Variants in DNHD1 observed in about 807,000 individuals in gnomAD.
DNHD1 encodes dynein heavy chain domain-containing protein 1.
Under a neutral mutation model 458.1 loss-of-function variants are expected in DNHD1, and 383 were observed. The ratio of observed to expected loss-of-function variants is 0.84; its 90% CI spans 0.77 to 0.91. DNHD1 has a LOEUF of 0.91. Among genes scored for constraint, DNHD1 ranks in the 40% least tolerant of loss-of-function variants. The pLI is 0.00. For missense variants in DNHD1, 5,336 were observed against 5,866.1 expected (o/e 0.91, Z 2.95); for synonymous variants, 2,203 against 2,376.9 (o/e 0.93, Z 2.13).
Position 6,546,323 on chromosome 11 carries a change from T to G in DNHD1, c.5384T>G (p.Val1795Gly). 3.2e-6 allele frequency: 5 copies of G among 1,552,366 alleles called. No individual in the cohort carries two copies. Among genetic ancestry groups the G allele is most frequent in the Non-Finnish European group, 4.4e-6 (5 of 1,147,126 alleles). Residue 1795 changes from valine (V) to glycine (G), a missense_variant, in exon 21 of 43, where the codon GTG (valine) becomes GGG (glycine). Val to Gly is a moderately radical substitution (Grantham distance 109). This residue lies in a region of DNHD1 where 3,932 missense variants were observed against 4,365.6 expected (regional missense o/e 0.90). Transcript: ENST00000254579. ...AGTAGCTTCTTTGAAAAACATCACG[T>G]GTCTGTGCGCCTTGGCTATGGCTGT... ...LGSSFFEKHH[V>G]SVRLGYGCLL...
chr11:6,547,958 G>C lies in DNHD1; in HGVS notation c.6823G>C (p.Asp2275His). Residue 2275 changes from aspartate (D) to histidine (H), a missense_variant, in exon 22 of 43, where the codon GAT (aspartate) becomes CAT (histidine). Physicochemically the swap from Asp to His is moderately conservative, Grantham distance 81. Coordinates refer to ENST00000254579, the MANE Select transcript of DNHD1 (RefSeq NM_144666.3). ...RSQVDSDDVPDKCREHLLAVS... is the reference protein window; with the variant it reads ...RSQVDSDDVPHKCREHLLAVS... Reference sequence around the variant, plus strand: ...CCAGGTTGACAGTGACGATGTGCCAGATAAGTGCAGGGAACACTTGCTGGC... The same window carrying C: ...CCAGGTTGACAGTGACGATGTGCCACATAAGTGCAGGGAACACTTGCTGGC... 2 of 1,551,886 alleles carry C rather than the reference G, an allele frequency of 1.3e-6. No homozygotes were observed. The highest frequency in any genetic ancestry group is 1.7e-6 in the Non-Finnish European group (2 of 1,147,038).
rs370437870 is a variant in DNHD1, at chr11:6,498,068, C to A, written c.-148C>A. ...CTAACCCCATTGACTCTGACCATCCCCTGCCCAGAGCCTGAGGTCCCTTCT... is the reference window on the plus strand; with the variant it reads ...CTAACCCCATTGACTCTGACCATCCACTGCCCAGAGCCTGAGGTCCCTTCT... On this transcript the variant is annotated 5_prime_UTR_variant, in exon 3 of 43. Transcript: ENST00000254579. The A allele has an allele frequency of 9.0e-7, 1 of 1,110,956 alleles. No homozygotes were observed. Among genetic ancestry groups the A allele is most frequent in the Non-Finnish European group, 1.3e-6 (1 of 767,962 alleles). 68.8% of individuals were successfully genotyped at this position (1,110,956 alleles called of 1,614,324 possible). A position where few individuals can be genotyped will look rare whatever the true frequency, so the allele number is the denominator to read the frequency against.
In DNHD1 at chr11:6,545,275, A is replaced by C. The variant is rs1853185018; in HGVS notation, c.4336A>C (p.Lys1446Gln). The C allele has an allele frequency of 6.4e-7, 1 of 1,551,602 alleles. No individual in the cohort carries two copies. The highest frequency in any genetic ancestry group is 8.7e-7 in the Non-Finnish European group (1 of 1,147,000). ...GPLPLHPDLP[K>Q]WLASLEKCLR... Reference sequence around the variant, plus strand: ...CCTTCCTCTGCATCCAGATCTCCCTAAGTGGCTGGCCTCTCTGGAGAAGTG... The same window carrying C: ...CCTTCCTCTGCATCCAGATCTCCCTCAGTGGCTGGCCTCTCTGGAGAAGTG... Residue 1446 changes from lysine (K) to glutamine (Q), a missense_variant, in exon 21 of 43, where the codon AAG (lysine) becomes CAG (glutamine). Lys to Gln is a moderately conservative substitution (Grantham distance 53, BLOSUM62 1). Around this residue, in one of 4 missense-constraint regions of DNHD1, gnomAD observed 3,932 missense variants for 4,365.6 expected, o/e 0.90. Coordinates refer to ENST00000254579, the MANE Select transcript of DNHD1 (RefSeq NM_144666.3). The surrounding 1 kb of genome is among the most constrained non-coding windows in gnomAD (Gnocchi z 4.9).
intron 10 of DNHD1, among the ~76,000 whole-genome samples, chr11:6,523,202 C>A (rs534728017): frequency 6.6e-6 from 1 of 152,108 alleles, no homozygotes; most frequent in Non-Finnish European, 1.5e-5. Context: ...TATATAATCT[C>A]TTGATGTACG....
chr11:6,502,837 T>C lies in DNHD1; in HGVS notation c.831T>C (p.Asp277=). ...TTTCACCTGAGACTTCCTTCCTGGA[T>C]AGCCAGGTGATGACTGCTCTGAAGA... The part of the protein sequence containing the change: ...TGFSPETSFL[D]SQVMTALKME... Residue 277 remains aspartate, a synonymous_variant, in exon 4 of 43, where the codon GAT becomes GAC. Transcript: ENST00000254579. The C allele has an allele frequency of 6.2e-7, 1 of 1,613,352 alleles. No individual in the cohort carries two copies. The highest frequency in any genetic ancestry group is 2.2e-5 in the East Asian group (1 of 44,822).
intron 35 of DNHD1, 58 bp downstream of exon 35, chr11:6,566,823 G>A: frequency 6.3e-7 from 1 of 1,599,018 alleles, no homozygotes; most frequent in South Asian, 1.1e-5. Context: ...TGGGTAAGGG[G>A]GTGGAGATGA....
intron 14 of DNHD1, among the ~76,000 whole-genome samples, chr11:6,535,249 A>T (rs1852920181): frequency 6.6e-6 from 1 of 152,220 alleles, no homozygotes; most frequent in Middle Eastern, 3.2e-3. Context: ...TTGCATGTGT[A>T]TGCATGCTTA....
At chr11:6,522,320 G>A (rs1015741840) in intron 10 of DNHD1, among the ~76,000 whole-genome samples, 3 of 151,904 alleles carry the variant, frequency 2.0e-5, no homozygotes, top group Admixed American at 2.0e-4. Flanking sequence ...AGTTTCTTTT[G>A]CTGTGCAGAA....
rs61554870 is a variant in DNHD1 at position 6,512,252 on chromosome 11, G to A, written c.1392+823G>A. 3.0e-3 allele frequency among the ~76,000 whole-genome samples: 321 copies of A among 107,416 alleles called. 5 individuals carry two copies. The highest frequency in any genetic ancestry group is 0.013 in the African/African-American group (312 of 24,652). The allele number at this position is 107,416 out of a possible 152,430, so 70.5% of individuals were successfully genotyped here. On this transcript the variant is annotated intron_variant, in intron 7 of 42. Coordinates refer to ENST00000254579, the MANE Select transcript of DNHD1 (RefSeq NM_144666.3). Reference sequence around the variant, plus strand: ...TTTTTTTTTTTTGAGACGGAGTCTCGCTCTGTCACCCAGGCTGGAGTGCAG... The same window carrying A: ...TTTTTTTTTTTTGAGACGGAGTCTCACTCTGTCACCCAGGCTGGAGTGCAG...
In DNHD1 at chr11:6,563,846, T is replaced by G. The variant is rs774187365; in HGVS notation, c.10006T>G (p.Tyr3336Asp). The change falls in exon 31 of 43, where the codon TAT becomes GAT. Residue 3336 changes from tyrosine (Y) to aspartate (D), a missense_variant. Around this residue, in one of 4 missense-constraint regions of DNHD1, gnomAD observed 3,932 missense variants for 4,365.6 expected, o/e 0.90. Transcript: ENST00000254579. ...AGCCTGGCTCTGGGCTGTTCTGCAC[T>G]ATGGGCTGGCGCATTGCCGGGGACT... Reference protein sequence around the residue: ...LAAWLWAVLHYGLAHCRGLPT... With the variant: ...LAAWLWAVLHDGLAHCRGLPT... The G allele has an allele frequency of 3.9e-6, 6 of 1,551,586 alleles. No homozygotes were observed. Among genetic ancestry groups the G allele is most frequent in the Non-Finnish European group, 5.2e-6 (6 of 1,147,012 alleles).
In DNHD1 at chr11:6,571,089, A is replaced by G. The variant is rs767782247; in HGVS notation, c.13577A>G (p.His4526Arg). ...TCCCGCCGCTGTGCTGCGGTGGCCCACGCTCTCTGGACTGGCCGCCTACCC... is the reference window on the plus strand; with the variant it reads ...TCCCGCCGCTGTGCTGCGGTGGCCCGCGCTCTCTGGACTGGCCGCCTACCC... ...CPSRRCAAVA[H>R]ALWTGRLPLP... The change falls in exon 42 of 43, where the codon CAC becomes CGC. Residue 4526 changes from histidine to arginine, a missense_variant. Physicochemically the swap from His to Arg is conservative, Grantham distance 29. Around this residue, in one of 4 missense-constraint regions of DNHD1, gnomAD observed 698 missense variants for 664.9 expected, o/e 1.05. Transcript: ENST00000254579. The surrounding 1 kb of genome is among the most constrained non-coding windows in gnomAD (Gnocchi z 5.0). 46 of 1,591,024 alleles carry G rather than the reference A, an allele frequency of 2.9e-5. No individual in the cohort carries two copies. The highest frequency in any genetic ancestry group is 3.9e-5 in the Non-Finnish European group (46 of 1,168,710).
At chr11:6,528,473 G>C (rs760479487) in intron 10 of DNHD1, 49 bp from the exon 11 acceptor site, 2 of 1,508,556 alleles carry the variant, frequency 1.3e-6, no homozygotes, top group Non-Finnish European at 1.8e-6. Context: ...AAGATTGTTT[G>C]TGGGCTCTGG....
intron 10 of DNHD1, among the ~76,000 whole-genome samples, chr11:6,527,768 A>G (rs1852739334): frequency 6.6e-6 from 1 of 152,200 alleles, no homozygotes; most frequent in African/African-American, 2.4e-5. Flanking sequence ...TTGGGTGTGG[A>G]TAGTATGGCT....
chr11:6,519,541 T>C, intron 7 of DNHD1, 59 bp from the exon 8 acceptor site: 1 of 1,593,894 alleles, frequency 6.3e-7, no homozygotes, highest in Non-Finnish European at 8.6e-7. Context: ...CACAGACTAG[T>C]GGGTGGCTGG....
In DNHD1 at chr11:6,502,793, C is replaced by CA. The variant is rs1267922102; in HGVS notation, c.791dup (p.Ser265GlufsTer8). 6.2e-7 allele frequency: 1 copy of CA among 1,609,046 alleles called. No homozygotes were observed. The highest frequency in any genetic ancestry group is 8.5e-7 in the Non-Finnish European group (1 of 1,177,998). ...TGAAGTTCCCAGGGAAAAGGCCTTC[C>CA]AAAAGAGCAGCACCGGCTTTTCACC... is the stretch of plus-strand genomic sequence containing the variant. On this transcript the variant is annotated frameshift_variant, in exon 4 of 43. Transcript: ENST00000254579. LOFTEE classifies it high-confidence loss of function.
Position 6,498,026 on chromosome 11 carries a change from C to G in DNHD1, c.-190C>G. 1.4e-6 allele frequency: 1 copy of G among 737,962 alleles called. No individual in the cohort carries two copies. Among genetic ancestry groups the G allele is most frequent in the East Asian group, 2.5e-5 (1 of 39,898 alleles). 45.7% of individuals were successfully genotyped at this position (737,962 alleles called of 1,614,324 possible). On this transcript the variant is annotated 5_prime_UTR_variant, in exon 3 of 43. Coordinates refer to ENST00000254579, the MANE Select transcript of DNHD1 (RefSeq NM_144666.3). The stretch of plus-strand genomic sequence containing the variant: ...TGTAGCTCCATCTATTTCCCTGTCC[C>G]AGGTCCTTTCTTCCTCCTAACCCCA...
chr11:6,565,584 G>A (rs969311935), intron 32 of DNHD1, 111 bp from the exon 33 acceptor site: 4 of 1,196,280 alleles, frequency 3.3e-6, no homozygotes, highest in Admixed American at 2.9e-5. Context: ...ACTTTCCTAA[G>A]ATGTCTTCCT....
chr11:6,563,113 A>G lies in DNHD1; in HGVS notation c.9651A>G (p.Arg3217=), dbSNP rs1160084148. 1 of 1,551,720 alleles carries G rather than the reference A, an allele frequency of 6.4e-7. No homozygotes were observed. The highest frequency in any genetic ancestry group is 8.7e-7 in the Non-Finnish European group (1 of 1,146,990). Residue 3217 remains arginine (R), a synonymous_variant, in exon 29 of 43, where the codon CGA becomes CGG. Transcript: ENST00000254579. The part of the protein sequence containing the change: ...ARQRDALQAQ[R]EAFLEQMSKA... Reference sequence around the variant, plus strand: ...AACGGGATGCCCTGCAAGCTCAGCGAGAGGCTTTCCTGGAGCAGGTGGGCT... The same window carrying G: ...AACGGGATGCCCTGCAAGCTCAGCGGGAGGCTTTCCTGGAGCAGGTGGGCT...
At chr11:6,522,993 A>G (rs1280513534) in intron 10 of DNHD1, among the ~76,000 whole-genome samples, 1 of 152,168 alleles carries the variant, frequency 6.6e-6, no homozygotes, top group African/African-American at 2.4e-5. Context: ...TGTCCTTACA[A>G]TTTTATCGGA....
Sources: gnomAD v4.1 joint callset for allele counts (sites outside exome capture counted in the v4.1 genomes callset) on GRCh38, gnomAD v4.1.1 for gene constraint, gnomAD v4.1.1 regional missense constraint, Gnocchi (gnomAD v3.1) non-coding constraint, MANE v1.5 for transcripts, NCBI Gene and HGNC (gene_info 2026-07-23, HGNC 2026-07-21) for gene names.